The following NDUFS4 variants were observed in gnomAD, a reference collection of about 807,000 sequenced individuals.
NDUFS4 encodes the protein NADH:ubiquinone oxidoreductase subunit S4.
In NDUFS4, 28 loss-of-function variants were observed where a neutral mutation model predicts 24.3. The observed-to-expected ratio is 1.15, with a 90% CI of 0.85 to 1.58. The LOEUF (loss-of-function observed/expected upper bound fraction) is 1.58. Among genes scored for constraint, NDUFS4 ranks in the 40% most tolerant of loss-of-function variants. The pLI is 0.00. For missense variants in NDUFS4, 223 were observed against 207.9 expected (o/e 1.07, Z -0.45); for synonymous variants, 93 against 69.7 (o/e 1.34, Z -1.67).
chr5:53,658,808 A>G, intron 4 of NDUFS4, 184 bp downstream of exon 4: 1 of 533,264 alleles, frequency 1.9e-6, no homozygotes, highest in Non-Finnish European at 3.3e-6. Context: ...AAAAAAACCT[A>G]AATTGGAATG....
Position 53,667,177 on chromosome 5 carries a change from G to A in NDUFS4, c.424+8553G>A, listed in dbSNP as rs147363331. Among the ~76,000 whole-genome samples, 1,401 of 152,002 alleles carry A rather than the reference G, an allele frequency of 9.2e-3. 17 individuals are homozygous for A. The highest frequency in any genetic ancestry group is 0.032 in the African/African-American group (1,328 of 41,498). Reference sequence around the variant, plus strand: ...CCATTGAAGCATTACAGAAGTGGAGGTGGGGAGGCCAGGCGCGGTGGCTCA... The same window carrying A: ...CCATTGAAGCATTACAGAAGTGGAGATGGGGAGGCCAGGCGCGGTGGCTCA... On this transcript the variant is annotated intron_variant, in intron 4 of 4. Transcript: ENST00000296684.
chr5:53,578,560 G>T (rs1314840993), intron 1 of NDUFS4, among the ~76,000 whole-genome samples: 1 of 152,138 alleles, frequency 6.6e-6, no homozygotes, highest in Non-Finnish European at 1.5e-5. Context: ...TGAGTTCCTG[G>T]TCTGATACTT....
intron 1 of NDUFS4, among the ~76,000 whole-genome samples, chr5:53,591,567 T>C (rs1212562232): frequency 2.0e-5 from 3 of 151,900 alleles, no homozygotes; most frequent in African/African-American, 7.3e-5. Flanking sequence ...TGTGGACATA[T>C]GATTTCAGCT....
Position 53,565,765 on chromosome 5 carries a change from A to T in NDUFS4, c.98+5005A>T, listed in dbSNP as rs183894983. ...TTCATACACTTTGACAAGTGTTCAG[A>T]CACTTCTTTTGTATTCAAATTTAAA... On this transcript the variant is annotated intron_variant, in intron 1 of 4. Transcript: ENST00000296684. Among the ~76,000 whole-genome samples the T allele has an allele frequency of 2.6e-5, 4 of 152,370 alleles. No individual in the cohort carries two copies. In the East Asian group the frequency reaches 7.7e-4, roughly 29 times the overall value.
intron 4 of NDUFS4, among the ~76,000 whole-genome samples, chr5:53,676,855 T>TC (rs1220893621): frequency 1.3e-5 from 2 of 152,204 alleles, no homozygotes; most frequent in Non-Finnish European, 2.9e-5. Context: ...ATTTTTTTTT[T>TC]CATAGATAGC....
At chr5:53,604,099 CT>C (rs1378702594) in intron 2 of NDUFS4, among the ~76,000 whole-genome samples, 1 of 152,126 alleles carries the variant, frequency 6.6e-6, no homozygotes. Flanking sequence ...GCAGCCATCA[CT>C]TATAAAATAT....
At chr5:53,585,585 A>G (rs1191640836) in intron 1 of NDUFS4, among the ~76,000 whole-genome samples, 1 of 152,076 alleles carries the variant, frequency 6.6e-6, no homozygotes, top group African/African-American at 2.4e-5. Context: ...TCTACTAAAA[A>G]TACGAAATTA....
chr5:53,659,859 C>T (rs752200749), intron 4 of NDUFS4, among the ~76,000 whole-genome samples: 2 of 152,080 alleles, frequency 1.3e-5, no homozygotes, highest in Non-Finnish European at 2.9e-5. Context: ...ATGTCACTAC[C>T]TGTATGACTT....
intron 4 of NDUFS4, among the ~76,000 whole-genome samples, chr5:53,661,439 C>T (rs894676202): frequency 1.1e-4 from 16 of 152,272 alleles, no homozygotes; most frequent in Admixed American, 9.8e-4. Context: ...TAGCTTGATG[C>T]CTCCAGCTTT....
intron 2 of NDUFS4, among the ~76,000 whole-genome samples, chr5:53,628,416 C>G (rs1329171910): frequency 2.6e-5 from 4 of 152,068 alleles, no homozygotes; most frequent in Admixed American, 2.6e-4. Context: ...AAGGAGGAGT[C>G]CCTCATTTTC....
chr5:53,680,051 A>AT (rs1309496553), intron 4 of NDUFS4, among the ~76,000 whole-genome samples: 1 of 152,170 alleles, frequency 6.6e-6, no homozygotes, highest in Non-Finnish European at 1.5e-5. Context: ...ATTGCGGGAT[A>AT]TTTTTAAAGA....
chr5:53,606,978 A>G (rs1283646019), intron 2 of NDUFS4, among the ~76,000 whole-genome samples: 5 of 152,268 alleles, frequency 3.3e-5, no homozygotes, highest in Non-Finnish European at 7.3e-5. Flanking sequence ...AATAATGACA[A>G]GAAAAAAGGA....
chr5:53,564,851 T>C (rs946469013), intron 1 of NDUFS4, among the ~76,000 whole-genome samples: 3 of 152,222 alleles, frequency 2.0e-5, no homozygotes, highest in Non-Finnish European at 4.4e-5. Flanking sequence ...TATTTTAATA[T>C]GTAATGTCGG....
At chr5:53,681,099 A>G (rs770326541) in intron 4 of NDUFS4, among the ~76,000 whole-genome samples, 4 of 152,142 alleles carry the variant, frequency 2.6e-5, no homozygotes, top group Non-Finnish European at 5.9e-5. Flanking sequence ...ACATGTTGCT[A>G]TGAAGTTGTG....
At chr5:53,575,523 TC>T in intron 1 of NDUFS4, among the ~76,000 whole-genome samples, 1 of 146,210 alleles carries the variant, frequency 6.8e-6, no homozygotes, top group Non-Finnish European at 1.5e-5. Flanking sequence ...CTTTATATGA[TC>T]AGATTCTTTT....
intron 2 of NDUFS4, among the ~76,000 whole-genome samples, chr5:53,639,394 A>C (rs1166040843): frequency 6.6e-6 from 1 of 151,930 alleles, no homozygotes; most frequent in East Asian, 1.9e-4. Context: ...GCAATATTCC[A>C]AAAGTATATA....
intron 4 of NDUFS4, among the ~76,000 whole-genome samples, chr5:53,670,413 T>C (rs1246761067): frequency 6.6e-6 from 1 of 151,818 alleles, no homozygotes; most frequent in Admixed American, 6.6e-5. Context: ...AAATGCACAC[T>C]GAATTTCAAA....
At chr5:53,647,070 A>G (rs1033224840) in intron 3 of NDUFS4, among the ~76,000 whole-genome samples, 10 of 151,504 alleles carry the variant, frequency 6.6e-5, no homozygotes, top group African/African-American at 2.4e-4. Context: ...ACTTCTTTGT[A>G]ATATATATTA....
intron 1 of NDUFS4, among the ~76,000 whole-genome samples, chr5:53,596,881 A>G (rs931326117): frequency 6.6e-6 from 1 of 152,164 alleles, no homozygotes; most frequent in African/African-American, 2.4e-5. Flanking sequence ...CCAACACATT[A>G]TTTCTGGTCC....
Sources: gnomAD v4.1 joint callset for allele counts (sites outside exome capture counted in the v4.1 genomes callset) on GRCh38, gnomAD v4.1.1 for gene constraint, MANE v1.5 for transcripts, NCBI Gene and HGNC (gene_info 2026-07-23, HGNC 2026-07-21) for gene names.